DENND1B: variants seen among roughly 807,000 people sequenced by gnomAD.
The protein encoded by DENND1B is DENN domain containing 1B.
DENND1B carries 59 observed loss-of-function variants against 90.1 expected under a neutral mutation model. The observed-to-expected ratio is 0.65, with a 90% CI of 0.53 to 0.81. The LOEUF (loss-of-function observed/expected upper bound fraction) is 0.81. DENND1B is among the 40% of genes least tolerant of loss of function. DENND1B has a pLI of 0.00. For synonymous variants in DENND1B, 337 were observed against 324.6 expected (o/e 1.04, Z -0.41); for missense variants, 862 against 912.6 (o/e 0.94, Z 0.71).
intron 11 of DENND1B, among the ~76,000 whole-genome samples, chr1:197,614,753 G>GA (rs912068072): frequency 2.7e-5 from 4 of 149,930 alleles, no homozygotes; most frequent in East Asian, 3.9e-4. Context: ...TTTTTTTAAA[G>GA]AAAAAAAATA....
chr1:197,752,149 A>T (rs1653642370), intron 2 of DENND1B, among the ~76,000 whole-genome samples: 1 of 151,922 alleles, frequency 6.6e-6, no homozygotes, highest in South Asian at 2.1e-4. Flanking sequence ...CCTAAACAAG[A>T]CTAATAAAAA....
chr1:197,647,025 T>G (rs548027389), intron 8 of DENND1B, 30 bp downstream of exon 8: 1 of 1,453,380 alleles, frequency 6.9e-7, no homozygotes, highest in South Asian at 1.5e-5. Flanking sequence ...TTAATAGTGA[T>G]TTTTAGAAGC....
intron 2 of DENND1B, among the ~76,000 whole-genome samples, chr1:197,747,831 C>G (rs1484360172): frequency 1.3e-5 from 2 of 152,230 alleles, no homozygotes; most frequent in Non-Finnish European, 2.9e-5. Context: ...ATTCACACCC[C>G]ACTCCTGTGA....
At chr1:197,665,252 C>T (rs1327613135) in intron 5 of DENND1B, among the ~76,000 whole-genome samples, 1 of 151,958 alleles carries the variant, frequency 6.6e-6, no homozygotes, top group East Asian at 1.9e-4. Context: ...GGCATAAATC[C>T]AGGAGAAAAT....
chr1:197,541,081 C>A (rs1027913879), intron 18 of DENND1B, 66 bp from the exon 19 acceptor site: 1 of 1,359,208 alleles, frequency 7.4e-7, no homozygotes, highest in Non-Finnish European at 1.0e-6. Context: ...AATAAGTATA[C>A]AAGATCAAAT....
chr1:197,538,646 A>C (rs1670090958), intron 20 of DENND1B, among the ~76,000 whole-genome samples: 1 of 149,986 alleles, frequency 6.7e-6, no homozygotes. Context: ...TGAATGACTG[A>C]ATTAATGGGA....
chr1:197,688,349 C>T (rs951482333), intron 3 of DENND1B, among the ~76,000 whole-genome samples: 12 of 151,946 alleles, frequency 7.9e-5, no homozygotes, highest in African/African-American at 2.9e-4. Context: ...CCACAAAGGA[C>T]CCCAAATAGC....
In DENND1B at chr1:197,537,996, T is replaced by C. The variant is rs1021013975; in HGVS notation, c.1515+1968A>G. On this transcript the variant is annotated intron_variant, in intron 20 of 22. Transcript: ENST00000620048. ...TGAATCATAACATTACTTTAGACCC[T>C]ATAAATTTATATAATTATAAACCAT... Among the ~76,000 whole-genome samples, 4 of 152,190 alleles carry C rather than the reference T, an allele frequency of 2.6e-5. No homozygotes were observed. In the South Asian group the frequency reaches 8.3e-4, roughly 32 times the overall value.
At chr1:197,523,972 T>TA (rs200777392) in intron 20 of DENND1B, among the ~76,000 whole-genome samples, 513 of 151,356 alleles carry the variant, frequency 3.4e-3, no homozygotes, top group Middle Eastern at 0.01. Flanking sequence ...AGTCAAGTGA[T>TA]AAAAAAAACT....
chr1:197,568,992 G>C (rs1421619700), intron 15 of DENND1B, among the ~76,000 whole-genome samples: 1 of 151,984 alleles, frequency 6.6e-6, no homozygotes, highest in African/African-American at 2.4e-5. Flanking sequence ...AGAGTGAAGA[G>C]ACAATCTCTG....
At chr1:197,632,614 T>C (rs1293892737) in intron 10 of DENND1B, among the ~76,000 whole-genome samples, 1 of 152,198 alleles carries the variant, frequency 6.6e-6, no homozygotes, top group Non-Finnish European at 1.5e-5. Flanking sequence ...CATTTATCAA[T>C]GCACAAATGA....
At chr1:197,513,028 A>C in intron 20 of DENND1B, 75 bp from the exon 21 acceptor site, 1 of 1,254,036 alleles carries the variant, frequency 8.0e-7, no homozygotes, top group Non-Finnish European at 1.1e-6. Flanking sequence ...TAAAGCAACA[A>C]TGTGATTTCA....
chr1:197,544,873 A>C (rs1308058616), intron 18 of DENND1B, among the ~76,000 whole-genome samples: 2 of 78,004 alleles, frequency 2.6e-5, no homozygotes, highest in Non-Finnish European at 5.3e-5. Context: ...GAGGAGAAGG[A>C]GATGAAGAGG....
intron 14 of DENND1B, among the ~76,000 whole-genome samples, chr1:197,588,325 A>G (rs530315337): frequency 6.6e-6 from 1 of 152,332 alleles, no homozygotes; most frequent in East Asian, 1.9e-4. Context: ...TTTAAGAATA[A>G]GTATCTTTCA....
chr1:197,529,264 G>GTATATATATGTATATA (rs1558206003), intron 20 of DENND1B, among the ~76,000 whole-genome samples: 4 of 52,554 alleles, frequency 7.6e-5, no homozygotes, highest in Admixed American at 7.2e-4. Context: ...GTGTGTGTGT[G>GTATATATATGTATATA]TGTGTATATG....
chr1:197,592,777 T>C (rs1488637686), intron 14 of DENND1B, among the ~76,000 whole-genome samples: 2 of 152,178 alleles, frequency 1.3e-5, no homozygotes, highest in African/African-American at 2.4e-5. Flanking sequence ...GACTGATCTG[T>C]CATTGGTCTA....
chr1:197,661,044 TGCCTGGAA>T (rs907252991), intron 5 of DENND1B, among the ~76,000 whole-genome samples: 29 of 152,194 alleles, frequency 1.9e-4, no homozygotes, highest in African/African-American at 6.7e-4. Context: ...TTGACAACTT[TGCCTGGAA>T]GCCTGGAAAA....
At chr1:197,768,377 A>G (rs545852198) in intron 2 of DENND1B, among the ~76,000 whole-genome samples, 77 of 152,312 alleles carry the variant, frequency 5.1e-4, no homozygotes, top group Non-Finnish European at 8.5e-4. Context: ...AAATGCTTAG[A>G]GGCATACCCA....
At chr1:197,668,631 T>A (rs1655180688) in intron 5 of DENND1B, among the ~76,000 whole-genome samples, 1 of 151,574 alleles carries the variant, frequency 6.6e-6, no homozygotes, top group African/African-American at 2.4e-5. Context: ...TTGTATATAC[T>A]TGAAAACATT....
Sources: allele counts gnomAD v4.1 joint callset (sites outside exome capture counted in the v4.1 genomes callset), GRCh38; gene constraint gnomAD v4.1.1; transcripts MANE v1.5; gene names NCBI Gene and HGNC (gene_info 2026-07-23, HGNC 2026-07-21).